The following RHOT2 variants were observed in gnomAD, a reference collection of about 807,000 sequenced individuals.
RHOT2 encodes ras homolog family member T2, also known as mitochondrial Rho GTPase 2.
A neutral mutation model predicts 81.6 loss-of-function variants in RHOT2; 90 were observed. The observed-to-expected ratio is 1.10, with a 90% CI of 0.93 to 1.31. The LOEUF is 1.31. Ranked by LOEUF, RHOT2 falls within the 40% of genes most tolerant of loss-of-function variation. The probability of loss-of-function intolerance (pLI) is 0.00; values close to 1 mark genes in which losing one functional copy is unlikely to be tolerated. For missense variants in RHOT2, 1,014 were observed against 841.9 expected, an observed-to-expected ratio of 1.20 and a Z score of -2.53; for synonymous variants, 512 against 370.9, an observed-to-expected ratio of 1.38 and a Z score of -4.37.
intron 5 of RHOT2, 83 bp downstream of exon 5, chr16:669,689 G>A (rs190621848): frequency 6.5e-6 from 9 of 1,391,728 alleles, no homozygotes; most frequent in Admixed American, 1.7e-5. Flanking sequence ...CCCGTGGCCA[G>A]TGCCATCGCT....
rs753639484 is a variant in RHOT2, at chr16:672,325, G to A, written c.1267G>A (p.Gly423Arg). ...GAGCGTCCTCCTGTGCAAGGTGGTA[G>A]GGGCCCGTGGAGTGGGCAAGTCTGC... Reference protein sequence around the residue: ...QRSVLLCKVVGARGVGKSAFL... With the variant: ...QRSVLLCKVVRARGVGKSAFL... Residue 423 changes from glycine (G) to arginine (R), a missense_variant, in exon 15 of 19, where the codon GGG becomes AGG. Coordinates refer to ENST00000315082, the MANE Select transcript of RHOT2 (RefSeq NM_138769.3). The A allele has an allele frequency of 1.2e-6, 2 of 1,612,236 alleles. No individual in the cohort carries two copies. Among genetic ancestry groups the A allele is most frequent in the African/African-American group, 1.3e-5 (1 of 74,938 alleles).
In RHOT2 at chr16:672,563, G is replaced by C. The variant is rs200387665; in HGVS notation, c.1401G>C (p.Leu467Phe). 3.7e-6 allele frequency: 6 copies of C among 1,612,434 alleles called. No homozygotes were observed. The highest frequency in any genetic ancestry group is 4.2e-6 in the Non-Finnish European group (5 of 1,179,862). Residue 467 changes from leucine (L) to phenylalanine (F), a missense_variant, in exon 16 of 19, where the codon TTG (leucine) becomes TTC (phenylalanine). Physicochemically the swap from Leu to Phe is conservative, Grantham distance 22. Coordinates refer to ENST00000315082, the MANE Select transcript of RHOT2 (RefSeq NM_138769.3). Reference protein sequence around the residue: ...TVQVNGQEKYLILCEVGTDGL... With the variant: ...TVQVNGQEKYFILCEVGTDGL... ...AGGTCAATGGACAGGAGAAGTACTT[G>C]ATCGTGAGTGCTGGGGCGGCGCGGC...
chr16:669,459 G>A (rs1291976611), intron 4 of RHOT2, 94 bp from the exon 5 acceptor site: 14 of 1,290,082 alleles, frequency 1.1e-5, no homozygotes, highest in Non-Finnish European at 1.4e-5. Flanking sequence ...GAGCTTCTGG[G>A]GCCTCCTGGA....
At chr16:669,259 G>A (rs1470556905) in intron 4 of RHOT2, 3 of 525,548 alleles carry the variant, frequency 5.7e-6, no homozygotes, top group South Asian at 4.2e-5. Context: ...GGGTCTTGCT[G>A]ACCACAGTTA....
At position 670,267 on chromosome 16, in the gene RHOT2, G is replaced by A. The variant is rs753430450; in HGVS notation, c.348G>A (p.Val116=). ...TQGPRVPIIL[V]GNKSDLRSGS... The stretch of plus-strand genomic sequence containing the variant: ...AACCCAGGGTGCCCATCATCCTAGT[G>A]GGCAACAAGTCAGACCTGCGGTCGG... The change falls in exon 7 of 19, where the codon GTG becomes GTA. Residue 116 remains valine (V), a synonymous_variant. Coordinates refer to ENST00000315082, the MANE Select transcript of RHOT2 (RefSeq NM_138769.3). The A allele has an allele frequency of 1.2e-6, 2 of 1,612,674 alleles. No homozygotes were observed. The highest frequency in any genetic ancestry group is 1.1e-5 in the South Asian group (1 of 91,072).
At chr16:668,606 C>T (rs1345322245) in intron 3 of RHOT2, 37 bp downstream of exon 3, 2 of 1,609,084 alleles carry the variant, frequency 1.2e-6, no homozygotes, top group Middle Eastern at 1.7e-4. Flanking sequence ...CGGCCCGCAG[C>T]GGTCCGGCGG....
In RHOT2 at chr16:673,660, G is replaced by GCTCTCT; in HGVS notation, c.*58_*59insCTCTCT. ...GACCTGGGTGTGCCTCGCTGCTGGG[G>GCTCTCT]CTCTGCAGGGGCAGCACAGCTGGGG... On this transcript the variant is annotated 3_prime_UTR_variant, in exon 19 of 19. Transcript: ENST00000315082. 1 of 1,570,950 alleles carries GCTCTCT rather than the reference G, an allele frequency of 6.4e-7. No individual in the cohort carries two copies. Among genetic ancestry groups the GCTCTCT allele is most frequent in the Non-Finnish European group, 8.6e-7 (1 of 1,161,408 alleles).
chr16:669,694 A>G (rs976756405), intron 5 of RHOT2, 88 bp downstream of exon 5: 8 of 1,351,644 alleles, frequency 5.9e-6, no homozygotes, highest in African/African-American at 4.3e-5. Context: ...GGCCAGTGCC[A>G]TCGCTCACAG....
chr16:668,999 T>A (rs1459261645), intron 4 of RHOT2: 2 of 491,630 alleles, frequency 4.1e-6, no homozygotes, highest in Non-Finnish European at 7.2e-6. Flanking sequence ...CCCCGTGCTG[T>A]GTGCTCCAGC....
chr16:668,713 G>C lies in RHOT2; in HGVS notation c.222+14G>C. 6.3e-7 allele frequency: 1 copy of C among 1,588,218 alleles called. No individual in the cohort carries two copies. The highest frequency in any genetic ancestry group is 8.6e-7 in the Non-Finnish European group (1 of 1,169,442). On this transcript the variant is annotated intron_variant, in intron 4 of 18. Transcript: ENST00000315082. Reference sequence around the variant, plus strand: ...GAGATCCACAAGGTACCCGTGGTGCGCGGGACGAGGGAGGGGCTGGGCGCG... The same window carrying C: ...GAGATCCACAAGGTACCCGTGGTGCCCGGGACGAGGGAGGGGCTGGGCGCG...
At position 668,661 on chromosome 16, in the gene RHOT2, G is replaced by C; in HGVS notation, c.184G>C (p.Glu62Gln). The C allele has an allele frequency of 6.2e-7, 1 of 1,606,074 alleles. No homozygotes were observed. The highest frequency in any genetic ancestry group is 8.5e-7 in the Non-Finnish European group (1 of 1,177,274). ...GAGTCTCTTTGTCCCCCTAGAAGCC[G>C]AGCAGACGGACGAGGAGCTGCGGGA... ...PTHIVDYSEA[E>Q]QTDEELREEI... is the part of the protein sequence containing the mutation. The change falls in exon 4 of 19, where the codon GAG (glutamate) becomes CAG (glutamine). Residue 62 changes from glutamate to glutamine, a missense_variant. Coordinates refer to ENST00000315082, the MANE Select transcript of RHOT2 (RefSeq NM_138769.3).
At position 668,585 on chromosome 16, in the gene RHOT2, TC is replaced by T. The variant is rs754790496; in HGVS notation, c.178+19del. 1.3e-4 allele frequency: 206 copies of T among 1,609,742 alleles called. No homozygotes were observed. Among genetic ancestry groups the T allele is most frequent in the Non-Finnish European group, 1.7e-4 (204 of 1,178,840 alleles). ...GACTACTCAGGTAGCGGCCGTAGCCTCCCGGGGGCCCGGCCCGCAGCGGTCC... is the reference window on the plus strand; with the variant it reads ...GACTACTCAGGTAGCGGCCGTAGCCTCCGGGGGCCCGGCCCGCAGCGGTCC... On this transcript the variant is annotated intron_variant, in intron 3 of 18. Transcript: ENST00000315082.
chr16:670,944 C>T lies in RHOT2; in HGVS notation c.692C>T (p.Thr231Met), dbSNP rs780282687. 1.5e-5 allele frequency: 24 copies of T among 1,570,990 alleles called. No homozygotes were observed. The highest frequency in any genetic ancestry group is 1.1e-4 in the East Asian group (5 of 44,404). Residue 231 changes from threonine (T) to methionine (M), a missense_variant, in exon 10 of 19, where the codon ACG (threonine) becomes ATG (methionine). By Grantham distance (81) the Thr-to-Met change is moderately conservative. Coordinates refer to ENST00000315082, the MANE Select transcript of RHOT2 (RefSeq NM_138769.3). ...LAPQALEDVK[T>M]VVCRNVAGGV... is the part of the protein sequence containing the mutation. ...CCGCAGGCCCTGGAGGACGTGAAGA[C>T]GGTGGTGTGCAGGAACGTGGCGGGC...
In RHOT2 at chr16:672,151, T is replaced by C; in HGVS notation, c.1165T>C (p.Cys389Arg). The C allele has an allele frequency of 6.2e-7, 1 of 1,612,292 alleles. No individual in the cohort carries two copies. Residue 389 changes from cysteine (C) to arginine (R), a missense_variant, in exon 14 of 19, where the codon TGT becomes CGT. Physicochemically the swap from Cys to Arg is radical, Grantham distance 180. Transcript: ENST00000315082. ...AGGCTACCTGGGCTACCCCACCCTC[T>C]GTGAGCAGGACCAGGCCCATGCCAT... ...HLGYLGYPTL[C>R]EQDQAHAITV...
rs2039050904 is a variant in RHOT2, at chr16:672,092, C to G, written c.1106C>G (p.Thr369Ser). The part of the protein sequence containing the change: ...HGYLCQWTLV[T>S]YLDVRSCLGH... ...CTCCCGCCCACCCCCAGCCTGGTGA[C>G]CTACCTGGACGTCCGGAGCTGCCTT... The change falls in exon 14 of 19, where the codon ACC becomes AGC. Residue 369 changes from threonine (T) to serine (S), a missense_variant. Physicochemically the swap from Thr to Ser is moderately conservative, Grantham distance 58. Coordinates refer to ENST00000315082, the MANE Select transcript of RHOT2 (RefSeq NM_138769.3). 1 of 1,612,346 alleles carries G rather than the reference C, an allele frequency of 6.2e-7. No individual in the cohort carries two copies. The highest frequency in any genetic ancestry group is 1.3e-5 in the African/African-American group (1 of 74,860).
rs199698870 is a variant in RHOT2, at chr16:671,712, C to T, written c.885C>T (p.Pro295=). The change falls in exon 12 of 19, where the codon CCC becomes CCT. Residue 295 remains proline (P), a synonymous_variant. Coordinates refer to ENST00000315082, the MANE Select transcript of RHOT2 (RefSeq NM_138769.3). ...DYLSPLIHVP[P]GCSTELNHLG... is the part of the protein sequence containing the mutation. ...CTCCCTGCAGGATCCACGTGCCCCC[C>T]GGCTGCAGCACGGAGCTCAACCACC... 2.2e-5 allele frequency: 35 copies of T among 1,612,156 alleles called. No homozygotes were observed. The highest frequency in any genetic ancestry group is 1.8e-4 in the East Asian group (8 of 44,874).
Position 670,184 on chromosome 16 carries a change from G to T in RHOT2, c.329+9G>T. On this transcript the variant is annotated intron_variant, in intron 6 of 18. Transcript: ENST00000315082. Reference sequence around the variant, plus strand: ...ACCACGCAGGGGCCCAGGTAATGAGGGGATGTGGAAGGGGCTGGGACCCCT... The same window carrying T: ...ACCACGCAGGGGCCCAGGTAATGAGTGGATGTGGAAGGGGCTGGGACCCCT... The T allele has an allele frequency of 1.2e-6, 2 of 1,607,894 alleles. No individual in the cohort carries two copies. The highest frequency in any genetic ancestry group is 1.7e-6 in the Non-Finnish European group (2 of 1,177,634).
Position 673,997 on chromosome 16 carries a change from G to C in RHOT2, c.*391G>C, listed in dbSNP as rs2039366327. On this transcript the variant is annotated 3_prime_UTR_variant, in exon 19 of 19. Coordinates refer to ENST00000315082, the MANE Select transcript of RHOT2 (RefSeq NM_138769.3). Reference sequence around the variant, plus strand: ...CTAGGTGGCCAGTGGGTATGAGGAGGGCTGGAAGGCAGAGCTTTGGGCCAA... The same window carrying C: ...CTAGGTGGCCAGTGGGTATGAGGAGCGCTGGAAGGCAGAGCTTTGGGCCAA... The C allele has an allele frequency of 2.6e-6, 1 of 385,908 alleles. No homozygotes were observed. Among genetic ancestry groups the C allele is most frequent in the Non-Finnish European group, 5.1e-6 (1 of 195,740 alleles). The allele number at this position is 385,908 out of a possible 1,614,324, so 23.9% of individuals were successfully genotyped here.
Position 668,389 on chromosome 16 carries a change from T to G in RHOT2, c.74T>G (p.Val25Gly), listed in dbSNP as rs1191812234. 1.4e-5 allele frequency: 21 copies of G among 1,462,478 alleles called. No individual in the cohort carries two copies. The highest frequency in any genetic ancestry group is 2.5e-5 in the Admixed American group (1 of 39,248). The allele number at this position is 1,462,478 out of a possible 1,614,324, so 90.6% of individuals were successfully genotyped here. Residue 25 changes from valine to glycine, a missense_variant, in exon 2 of 19, where the codon GTG (valine) becomes GGG (glycine). Val to Gly is a moderately radical substitution (Grantham distance 109). Transcript: ENST00000315082. ...AAGACGTCGCTGATCCTGTCCCTGG[T>G]GGGCGAGGAGTTCCCCGAGGAGGTA... ...VGKTSLILSL[V>G]GEEFPEEVPP...
Sources: allele counts gnomAD v4.1 joint callset, GRCh38; gene constraint gnomAD v4.1.1; transcripts MANE v1.5; gene names NCBI Gene and HGNC (gene_info 2026-07-23, HGNC 2026-07-21).